BLTP1: variants seen among roughly 807,000 people sequenced by gnomAD.
BLTP1 encodes the protein bridge-like lipid transfer protein family member 1.
the BLTP1 span, chr4:122,209,076 T>C: frequency 7.6e-7 from 1 of 1,323,874 alleles, no homozygotes; most frequent in Non-Finnish European, 9.7e-7. Flanking sequence ...CCAAGATTGT[T>C]GTAGACAGGT....
the BLTP1 span, chr4:122,255,078 G>A: frequency 6.5e-7 from 1 of 1,539,318 alleles, no homozygotes; most frequent in Non-Finnish European, 8.8e-7. Context: ...TCTTTTATTT[G>A]TAGGCTCTTT....
the BLTP1 span, among the ~76,000 whole-genome samples, chr4:122,232,973 G>A: frequency 2.1e-4 from 32 of 152,182 alleles, no homozygotes; most frequent in Non-Finnish European, 4.4e-4. Context: ...ATTCATTTCT[G>A]ATATTACTGG....
At chr4:122,239,722 G>A in the BLTP1 span, 12 of 1,614,148 alleles carry the variant, frequency 7.4e-6, no homozygotes, top group African/African-American at 1.3e-5. Flanking sequence ...GATGTCTCTC[G>A]AAGTGATGAG....
the BLTP1 span, among the ~76,000 whole-genome samples, chr4:122,296,255 C>T: frequency 5.3e-5 from 8 of 152,288 alleles, no homozygotes; most frequent in South Asian, 1.0e-3. Flanking sequence ...AAATTGCTAG[C>T]ATTCCTATAC....
the BLTP1 span, chr4:122,249,755 A>G: frequency 2.6e-6 from 4 of 1,567,524 alleles, no homozygotes; most frequent in Non-Finnish European, 3.5e-6. Context: ...GTTTTGAACA[A>G]TCATGGCTTT....
the BLTP1 span, chr4:122,339,149 A>C: frequency 1.9e-6 from 3 of 1,540,392 alleles, no homozygotes; most frequent in South Asian, 3.6e-5. Context: ...TATTATTTCT[A>C]TTTAAAACTT....
the BLTP1 span, chr4:122,250,328 C>G: frequency 6.4e-7 from 1 of 1,555,988 alleles, no homozygotes; most frequent in Non-Finnish European, 8.8e-7. Context: ...ACTTATTCAC[C>G]ATTTATAATA....
chr4:122,343,945 A>G, the BLTP1 span: 6 of 917,602 alleles, frequency 6.5e-6, no homozygotes, highest in South Asian at 1.5e-4. Context: ...CGTAGAAAGT[A>G]AAATTTTAAA....
At chr4:122,246,954 A>G in the BLTP1 span, 1 of 1,384,284 alleles carries the variant, frequency 7.2e-7, no homozygotes, top group Non-Finnish European at 9.5e-7. Flanking sequence ...ATCTTAATTT[A>G]TAGATTAGTA....
the BLTP1 span, among the ~76,000 whole-genome samples, chr4:122,153,431 A>G: frequency 1.3e-5 from 2 of 152,190 alleles, no homozygotes; most frequent in African/African-American, 4.8e-5. Flanking sequence ...ATGTGCATAT[A>G]TTATCACATT....
At chr4:122,237,409 CTTCTGTGTATGAGGCATTA>C in the BLTP1 span, 1 of 950,888 alleles carries the variant, frequency 1.1e-6, no homozygotes, top group Non-Finnish European at 1.3e-6. Context: ...TATTGAGTGC[CTTCTGTGTATGAGGCATTA>C]TTCTAGGCAC....
the BLTP1 span, chr4:122,292,778 A>G: frequency 3.6e-5 from 7 of 193,972 alleles, no homozygotes; most frequent in African/African-American, 1.2e-4. Context: ...CTACAGGTCC[A>G]AATGAGACAC....
chr4:122,276,270 C>A, the BLTP1 span: 1 of 376,498 alleles, frequency 2.7e-6, no homozygotes, highest in African/African-American at 2.1e-5. Context: ...TTGTGTGTTG[C>A]TTGTGCCTTT....
At chr4:122,325,869 A>T in the BLTP1 span, 1 of 1,176,484 alleles carries the variant, frequency 8.5e-7, no homozygotes, top group Non-Finnish European at 1.1e-6. Flanking sequence ...AAAATACAGT[A>T]TGGGGAAGTA....
the BLTP1 span, chr4:122,192,230 A>T: frequency 1.9e-6 from 3 of 1,612,264 alleles, no homozygotes; most frequent in Non-Finnish European, 2.5e-6. Flanking sequence ...GGAATATAGG[A>T]CTTGTTCCGG....
chr4:122,303,895 T>C, the BLTP1 span, among the ~76,000 whole-genome samples: 1 of 152,184 alleles, frequency 6.6e-6, no homozygotes, highest in Admixed American at 6.5e-5. Flanking sequence ...GGATTTAGAA[T>C]GTTCCATAAA....
chr4:122,251,947 G>T, the BLTP1 span, among the ~76,000 whole-genome samples: 1 of 152,148 alleles, frequency 6.6e-6, no homozygotes, highest in Non-Finnish European at 1.5e-5. Context: ...CCAGGATTGT[G>T]TTTAGTGGCC....
chr4:122,314,981 C>G, the BLTP1 span, among the ~76,000 whole-genome samples: 585 of 152,244 alleles, frequency 3.8e-3, 6 homozygotes, highest in African/African-American at 0.013. Context: ...CTTTGCTCCC[C>G]TCTTGGCTAC....
At chr4:122,254,019 A>G in the BLTP1 span, 3 of 169,538 alleles carry the variant, frequency 1.8e-5, no homozygotes. Context: ...CTGAAGGAAA[A>G]ACACTTTTAA....
Sources: gnomAD v4.1 joint callset for allele counts (sites outside exome capture counted in the v4.1 genomes callset) on GRCh38, gnomAD v4.1.1 for gene constraint, MANE v1.5 for transcripts, NCBI Gene and HGNC (gene_info 2026-07-23, HGNC 2026-07-21) for gene names.